The following SBF2 variants were observed in gnomAD, a reference collection of about 807,000 sequenced individuals.
SBF2 encodes SET binding factor 2.
Under a neutral mutation model 225.2 loss-of-function variants are expected in SBF2, and 112 were observed. The ratio of observed to expected loss-of-function variants is 0.50; its 90% CI spans 0.43 to 0.58. SBF2 has a LOEUF of 0.58. Among genes scored for constraint, SBF2 ranks in the 20% least tolerant of loss-of-function variants. The pLI, the probability that SBF2 is intolerant of heterozygous loss-of-function variation, is 0.00. For synonymous variants in SBF2, 763 were observed against 773.3 expected, an observed-to-expected ratio of 0.99 and a Z score of 0.22; for missense variants, 1,996 against 2,206.2, an observed-to-expected ratio of 0.90 and a Z score of 1.91.
chr11:9,821,569 A>G (rs1234935058), intron 28 of SBF2, among the ~76,000 whole-genome samples: 1 of 152,192 alleles, frequency 6.6e-6, no homozygotes, highest in African/African-American at 2.4e-5. Flanking sequence ...GATTTCCTGA[A>G]TGATTTCTAG....
intron 2 of SBF2, among the ~76,000 whole-genome samples, chr11:10,081,539 G>A (rs954417054): frequency 4.6e-5 from 7 of 151,958 alleles, no homozygotes; most frequent in Admixed American, 2.6e-4. Flanking sequence ...CGGATAGATC[G>A]TCTGAGGTCA....
chr11:10,080,528 C>A (rs1951325446), intron 2 of SBF2, among the ~76,000 whole-genome samples: 2 of 151,638 alleles, frequency 1.3e-5, no homozygotes, highest in African/African-American at 4.8e-5. Flanking sequence ...CAAAACCCTA[C>A]TAAACCTAAA....
chr11:10,293,715 G>T (rs1286546835), intron 1 of SBF2, among the ~76,000 whole-genome samples: 1 of 152,192 alleles, frequency 6.6e-6, no homozygotes, highest in Non-Finnish European at 1.5e-5. Context: ...TCTGCCCCGG[G>T]TACCCTGCAG....
At chr11:10,279,129 A>AAAAC (rs1963211240) in intron 1 of SBF2, among the ~76,000 whole-genome samples, 4 of 149,674 alleles carry the variant, frequency 2.7e-5, no homozygotes, top group Admixed American at 1.3e-4. Flanking sequence ...AAAAAAAAAA[A>AAAAC]AGCCAGGCGT....
chr11:10,234,524 A>G (rs1041624683), intron 1 of SBF2, among the ~76,000 whole-genome samples: 1 of 152,126 alleles, frequency 6.6e-6, no homozygotes, highest in Non-Finnish European at 1.5e-5. Context: ...TTCCTAACCA[A>G]GTCTATTTTT....
chr11:10,285,179 G>A (rs1484071151), intron 1 of SBF2, among the ~76,000 whole-genome samples: 8 of 151,952 alleles, frequency 5.3e-5, no homozygotes, highest in Non-Finnish European at 7.4e-5. Flanking sequence ...GCATGGTGGC[G>A]TGCACCTGTA....
chr11:9,955,767 T>C (rs559650530), intron 16 of SBF2, among the ~76,000 whole-genome samples: 85 of 152,202 alleles, frequency 5.6e-4, no homozygotes, highest in African/African-American at 2.0e-3. Flanking sequence ...TGTACCTAAA[T>C]AGTATATTAT....
chr11:9,917,579 G>T (rs568965695), intron 16 of SBF2, among the ~76,000 whole-genome samples: 1 of 151,630 alleles, frequency 6.6e-6, no homozygotes, highest in East Asian at 1.9e-4. Flanking sequence ...TGATCCACCC[G>T]CCTCGGCCTC....
At chr11:10,260,742 G>A (rs891383118) in intron 1 of SBF2, among the ~76,000 whole-genome samples, 4 of 151,214 alleles carry the variant, frequency 2.6e-5, no homozygotes, top group Non-Finnish European at 5.9e-5. Context: ...TTAGATGGGC[G>A]AGGTGGTGTG....
At chr11:10,240,919 TA>T (rs1959201220) in intron 1 of SBF2, among the ~76,000 whole-genome samples, 1 of 152,234 alleles carries the variant, frequency 6.6e-6, no homozygotes, top group Non-Finnish European at 1.5e-5. Context: ...ATAAGGAATA[TA>T]AGAATACTTA....
intron 2 of SBF2, among the ~76,000 whole-genome samples, chr11:10,062,530 G>T (rs1381334318): frequency 1.3e-5 from 2 of 151,996 alleles, no homozygotes; most frequent in African/African-American, 4.8e-5. Flanking sequence ...GTGGGCAAAG[G>T]ACATGAACAG....
At position 9,821,330 on chromosome 11, in the gene SBF2, G is replaced by A. The variant is rs570336245; in HGVS notation, c.3794-4306C>T. On this transcript the variant is annotated intron_variant, in intron 28 of 39. Transcript: ENST00000256190. ...TTCAACCCAATTATTTGCACTGAAA[G>A]AGTGAAAAGGGGGTATTAAACAAAA... 4.6e-5 allele frequency among the ~76,000 whole-genome samples: 7 copies of A among 152,256 alleles called. No individual in the cohort carries two copies. The South Asian group carries it at 1.2e-3, about 27-fold the overall frequency.
intron 16 of SBF2, among the ~76,000 whole-genome samples, chr11:9,922,805 A>C (rs1262130773): frequency 1.3e-5 from 2 of 152,014 alleles, no homozygotes; most frequent in African/African-American, 2.4e-5. Context: ...TAGAAATGCA[A>C]TTATAACCTT....
intron 2 of SBF2, among the ~76,000 whole-genome samples, chr11:10,048,717 T>C (rs1190180647): frequency 6.6e-6 from 1 of 152,202 alleles, no homozygotes; most frequent in African/African-American, 2.4e-5. Flanking sequence ...ATGACAAATA[T>C]TATCATACTA....
chr11:9,956,368 G>T (rs1866164586), intron 16 of SBF2, among the ~76,000 whole-genome samples: 3 of 152,128 alleles, frequency 2.0e-5, no homozygotes, highest in Admixed American at 2.0e-4. Flanking sequence ...AATTTCTAAA[G>T]TAGCTATACC....
chr11:10,042,227 C>T (rs568012221), intron 3 of SBF2, among the ~76,000 whole-genome samples: 79 of 152,246 alleles, frequency 5.2e-4, no homozygotes, highest in Non-Finnish European at 8.4e-4. Context: ...AGAATTGGTT[C>T]CCTGCTTGTC....
chr11:10,108,822 C>A (rs1308099734), intron 2 of SBF2, among the ~76,000 whole-genome samples: 2 of 152,114 alleles, frequency 1.3e-5, no homozygotes, highest in Non-Finnish European at 2.9e-5. Flanking sequence ...CCGCGCCCGG[C>A]CAATAGTTAA....
intron 2 of SBF2, among the ~76,000 whole-genome samples, chr11:10,140,427 C>CA (rs1954587643): frequency 6.6e-6 from 1 of 152,128 alleles, no homozygotes; most frequent in South Asian, 2.1e-4. Context: ...CACAAAACCC[C>CA]AAAGGACGAG....
intron 32 of SBF2, among the ~76,000 whole-genome samples, chr11:9,802,257 C>A (rs16907071): frequency 6.6e-6 from 1 of 152,034 alleles, no homozygotes; most frequent in African/African-American, 2.4e-5. Context: ...GTAATGATAT[C>A]ATTTGAGCTA....
Sources: allele counts gnomAD v4.1 joint callset (sites outside exome capture counted in the v4.1 genomes callset), GRCh38; gene constraint gnomAD v4.1.1; transcripts MANE v1.5; gene names NCBI Gene and HGNC (gene_info 2026-07-23, HGNC 2026-07-21).